The following YLPM1 variants were observed in gnomAD, a reference collection of about 807,000 sequenced individuals.
YLPM1 encodes the protein YLP motif-containing protein 1.
YLPM1 carries 99 observed loss-of-function variants against 230.0 expected under a neutral mutation model. The ratio of observed to expected loss-of-function variants is 0.43; its 90% CI spans 0.37 to 0.51. The LOEUF (loss-of-function observed/expected upper bound fraction) is 0.51. Ranked by LOEUF, YLPM1 falls within the 20% of genes least tolerant of loss-of-function variation. YLPM1 has a pLI of 0.00. For missense variants in YLPM1, 2,592 were observed against 2,707.7 expected, an observed-to-expected ratio of 0.96 and a Z score of 0.95; for synonymous variants, 984 against 942.5, an observed-to-expected ratio of 1.04 and a Z score of -0.81.
intron 6 of YLPM1, 21 bp from the exon 7 acceptor site, chr14:74,809,359 G>A (rs759018289): frequency 7.0e-6 from 11 of 1,579,732 alleles, no homozygotes; most frequent in Non-Finnish European, 8.6e-6. Flanking sequence ...TGTCCACTAA[G>A]CTATTTATTC....
rs756601146 is a variant in YLPM1, at chr14:74,824,248, C to T, written c.6112-8C>T. The stretch of plus-strand genomic sequence containing the variant: ...AACCCTTCGAGCTTCTCTCTGTGTA[C>T]GATTTAGGGTTACATTCCGAAAAGC... On this transcript the variant is annotated splice_polypyrimidine_tract_variant and splice_region_variant and intron_variant, in intron 17 of 20. Transcript: ENST00000325680. 105 of 1,611,446 alleles carry T rather than the reference C, an allele frequency of 6.5e-5. No homozygotes were observed. In the East Asian group the frequency reaches 6.9e-4, roughly 11 times the overall value.
At chr14:74,780,360 G>T in intron 2 of YLPM1, 45 bp from the exon 3 acceptor site, 1 of 1,549,790 alleles carries the variant, frequency 6.5e-7, no homozygotes, top group Admixed American at 2.0e-5. Context: ...ATTTTTGCTT[G>T]CTGTTTTATG....
In YLPM1 at chr14:74,816,472, A is replaced by G. The variant is rs369340934; in HGVS notation, c.5566-99A>G. ...TGCCTCTGCTTGATTTGAAACCACCAGAAGATTGTATATTATTTAGCCACA... is the reference window on the plus strand; with the variant it reads ...TGCCTCTGCTTGATTTGAAACCACCGGAAGATTGTATATTATTTAGCCACA... On this transcript the variant is annotated intron_variant, in intron 12 of 20. Transcript: ENST00000325680. The G allele has an allele frequency of 1.6e-5, 23 of 1,435,712 alleles. No homozygotes were observed. The African/African-American group carries it at 2.9e-4, about 18-fold the overall frequency. 88.9% of individuals were successfully genotyped at this position (1,435,712 alleles called of 1,614,324 possible).
intron 4 of YLPM1, among the ~76,000 whole-genome samples, chr14:74,786,679 A>T (rs1257636903): frequency 6.6e-6 from 1 of 152,172 alleles, no homozygotes; most frequent in Non-Finnish European, 1.5e-5. Flanking sequence ...CAATCTGTTT[A>T]TCCATTTTAA....
intron 9 of YLPM1, 87 bp from the exon 10 acceptor site, chr14:74,811,533 A>G: frequency 1.1e-6 from 1 of 920,994 alleles, no homozygotes; most frequent in Non-Finnish European, 1.7e-6. Context: ...CTATAGAGAA[A>G]ATTGGGCAGT....
At chr14:74,819,673 TG>T (rs563040008) in intron 16 of YLPM1, among the ~76,000 whole-genome samples, 1 of 152,238 alleles carries the variant, frequency 6.6e-6, no homozygotes, top group South Asian at 2.1e-4. Flanking sequence ...CTTTCACTAA[TG>T]ATTTCCGTGG....
rs1594840142 is a variant in YLPM1 at position 74,816,788 on chromosome 14, C to G, written c.5685+98C>G. ...GTGGCTTTTTTGAGGGCAGGGACCT[C>G]TCTCTTTTCCGAACACAGTACTTTA... On this transcript the variant is annotated intron_variant, in intron 13 of 20. Coordinates refer to ENST00000325680, the MANE Select transcript of YLPM1 (RefSeq NM_019589.3). 5 of 1,467,594 alleles carry G rather than the reference C, an allele frequency of 3.4e-6. No homozygotes were observed. The East Asian group carries it at 1.2e-4, about 36-fold the overall frequency. The allele number at this position is 1,467,594 out of a possible 1,614,324, so 90.9% of individuals were successfully genotyped here.
rs766067966 is a variant in YLPM1, at chr14:74,763,922, T to G, written c.433T>G (p.Ser145Ala). 2.5e-5 allele frequency: 37 copies of G among 1,455,924 alleles called. No homozygotes were observed. The highest frequency in any genetic ancestry group is 3.2e-5 in the Non-Finnish European group (36 of 1,109,612). 90.2% of individuals were successfully genotyped at this position (1,455,924 alleles called of 1,614,324 possible). A position where few individuals can be genotyped will look rare whatever the true frequency, so the allele number is the denominator to read the frequency against. Residue 145 changes from serine (S) to alanine (A), a missense_variant, in exon 1 of 21, where the codon TCC becomes GCC. This residue lies in a region of YLPM1 where 1,862 missense variants were observed against 1,819.8 expected (regional missense o/e 1.02). Transcript: ENST00000325680. ...TGGTTTGGTTCCAATGGAGCTGGAA[T>G]CCCCCCCTGAATCTCCCCCTGTGCC... ...PPGLVPMELE[S>A]PPESPPVPPG...
intron 5 of YLPM1, among the ~76,000 whole-genome samples, chr14:74,801,942 C>T (rs147331589): frequency 1.4e-4 from 21 of 152,226 alleles, no homozygotes; most frequent in African/African-American, 4.1e-4. Flanking sequence ...ATAGGCCGGG[C>T]GTGGTGGCTT....
chr14:74,818,811 TATAAA>T (rs1164825065), intron 16 of YLPM1, among the ~76,000 whole-genome samples: 1 of 152,236 alleles, frequency 6.6e-6, no homozygotes, highest in Non-Finnish European at 1.5e-5. Flanking sequence ...AATCCTTTAA[TATAAA>T]ATATAGTTTC....
At chr14:74,828,725 T>G (rs188425762) in intron 18 of YLPM1, among the ~76,000 whole-genome samples, 1 of 151,666 alleles carries the variant, frequency 6.6e-6, no homozygotes, top group East Asian at 1.9e-4. Flanking sequence ...AAAAAAAAAA[T>G]GTTCATCTAA....
In YLPM1 at chr14:74,809,919, C is replaced by G; in HGVS notation, c.4949C>G (p.Thr1650Ser). The change falls in exon 8 of 21, where the codon ACT (threonine) becomes AGT (serine). Residue 1650 changes from threonine to serine, a missense_variant. By Grantham distance (58) the Thr-to-Ser change is moderately conservative. Around this residue, in one of 4 missense-constraint regions of YLPM1, gnomAD observed 403 missense variants for 426.7 expected, o/e 0.94. Coordinates refer to ENST00000325680, the MANE Select transcript of YLPM1 (RefSeq NM_019589.3). ...VDYGHGRDIS[T>S]NKVEQIPYGE... Reference sequence around the variant, plus strand: ...TGATTTTGTTTACCAGATATATCCACTAATAAAGTTGAACAGATACCTTAT... The same window carrying G: ...TGATTTTGTTTACCAGATATATCCAGTAATAAAGTTGAACAGATACCTTAT... 2 of 1,608,218 alleles carry G rather than the reference C, an allele frequency of 1.2e-6. No homozygotes were observed. Among genetic ancestry groups the G allele is most frequent in the Non-Finnish European group, 1.7e-6 (2 of 1,177,072 alleles).
chr14:74,820,561 C>T (rs919412696), intron 16 of YLPM1, among the ~76,000 whole-genome samples: 4 of 152,116 alleles, frequency 2.6e-5, no homozygotes, highest in Non-Finnish European at 5.9e-5. Context: ...ACTCTTTACT[C>T]TGCCCTTGTG....
chr14:74,771,205 C>G (rs1417261434), intron 1 of YLPM1, among the ~76,000 whole-genome samples: 2 of 152,078 alleles, frequency 1.3e-5, no homozygotes. Context: ...ACATAGATTC[C>G]AAATGGAGAT....
chr14:74,809,944 T>C lies in YLPM1; in HGVS notation c.4974T>C (p.Tyr1658=), dbSNP rs763226585. 3 of 1,610,064 alleles carry C rather than the reference T, an allele frequency of 1.9e-6. No homozygotes were observed. The highest frequency in any genetic ancestry group is 2.7e-5 in the African/African-American group (2 of 74,994). ...ISTNKVEQIP[Y]GERITLRPDP... is the part of the protein sequence containing the mutation. ...CTAATAAAGTTGAACAGATACCTTA[T>C]GGAGAAAGAATAACTCTACGCCCAG... The change falls in exon 8 of 21, where the codon TAT becomes TAC. Residue 1658 remains tyrosine (Y), a synonymous_variant. Coordinates refer to ENST00000325680, the MANE Select transcript of YLPM1 (RefSeq NM_019589.3).
intron 6 of YLPM1, 33 bp from the exon 7 acceptor site, chr14:74,809,347 C>T (rs753306229): frequency 1.9e-6 from 3 of 1,565,918 alleles, no homozygotes; most frequent in African/African-American, 1.4e-5. Flanking sequence ...TAGTGGTATA[C>T]TTGTCCACTA....
rs554245389 is a variant in YLPM1 at position 74,763,555 on chromosome 14, G to A, written c.66G>A (p.Pro22=). ...ATCCGCCGCCACCGGTCCCACCGCCGCCGCCAGTGGCGCTTCCTGAGGCCT... is the reference window on the plus strand; with the variant it reads ...ATCCGCCGCCACCGGTCCCACCGCCACCGCCAGTGGCGCTTCCTGAGGCCT... ...SHYPPPPVPP[P]PPVALPEASP... is the part of the protein sequence containing the mutation. Residue 22 remains proline (P), a synonymous_variant, in exon 1 of 21, where the codon CCG becomes CCA. Coordinates refer to ENST00000325680, the MANE Select transcript of YLPM1 (RefSeq NM_019589.3). 5 of 1,540,754 alleles carry A rather than the reference G, an allele frequency of 3.2e-6. No homozygotes were observed. In the African/African-American group the frequency reaches 5.7e-5, roughly 18 times the overall value.
chr14:74,797,557 AAT>A, intron 4 of YLPM1, 21 bp from the exon 5 acceptor site: 1 of 1,443,284 alleles, frequency 6.9e-7, no homozygotes, highest in Non-Finnish European at 9.1e-7. Flanking sequence ...TGTCTTGAGT[AAT>A]ATCTTTTGTT....
At chr14:74,764,407 C>T (rs764410965) in intron 1 of YLPM1, 45 bp downstream of exon 1, 2 of 1,530,280 alleles carry the variant, frequency 1.3e-6, no homozygotes, top group South Asian at 1.3e-5. Flanking sequence ...CTAGAGGGCC[C>T]TGAATGAGCA....
Sources: allele counts gnomAD v4.1 joint callset (sites outside exome capture counted in the v4.1 genomes callset), GRCh38; gene constraint gnomAD v4.1.1; regional missense constraint gnomAD v4.1.1; transcripts MANE v1.5; gene names NCBI Gene and HGNC (gene_info 2026-07-23, HGNC 2026-07-21).